BSCL2: variants seen among roughly 807,000 people sequenced by gnomAD.
BSCL2 encodes the protein seipin.
BSCL2 carries 41 observed loss-of-function variants against 57.4 expected under a neutral mutation model. The observed-to-expected ratio is 0.71, with a 90% CI of 0.56 to 0.93. The LOEUF is 0.93. BSCL2 is among the 40% of genes least tolerant of loss of function. BSCL2 has a pLI of 0.00. For missense variants in BSCL2, 539 were observed against 586.7 expected (o/e 0.92, Z 0.84); for synonymous variants, 237 against 227.3 (o/e 1.04, Z -0.38).
In BSCL2 at chr11:62,694,610, G is replaced by A. The variant is rs369806785; in HGVS notation, c.588C>T (p.Cys196=). ...DLGMFLVTIS[C]YTRGGRIIST... is the part of the protein sequence containing the mutation. ...AGATGATTCGGCCACCTCTGGTGTA[G>A]CAGGAAATGGTGACCAAGAACATGC... The change falls in exon 4 of 11, where the codon TGC becomes TGT. Residue 196 remains cysteine, a synonymous_variant. Transcript: ENST00000360796. The A allele has an allele frequency of 1.3e-4, 207 of 1,614,050 alleles. No individual in the cohort carries two copies. Among genetic ancestry groups the A allele is most frequent in the Middle Eastern group, 1.6e-4 (1 of 6,084 alleles).
chr11:62,695,985 C>T (rs1046533450), intron 3 of BSCL2, among the ~76,000 whole-genome samples: 2 of 151,906 alleles, frequency 1.3e-5, no homozygotes, highest in Non-Finnish European at 2.9e-5. Context: ...CCAGCCTGGC[C>T]AAGATGGTGA....
chr11:62,697,903 C>T (rs557027091), intron 3 of BSCL2, among the ~76,000 whole-genome samples: 1 of 151,516 alleles, frequency 6.6e-6, no homozygotes, highest in South Asian at 2.1e-4. Context: ...ATGCAGAATC[C>T]ACATCCTTTT....
At chr11:62,703,594 G>A (rs1194078624) in intron 2 of BSCL2, among the ~76,000 whole-genome samples, 10 of 150,690 alleles carry the variant, frequency 6.6e-5, no homozygotes, top group Admixed American at 1.3e-4. Flanking sequence ...CTTGTGATCC[G>A]CCTGCCTCGG....
At chr11:62,708,281 C>T (rs1565155049), upstream of BSCL2, 2 of 1,556,694 alleles carry the variant, frequency 1.3e-6, no homozygotes, top group South Asian at 2.2e-5. Context: ...CTGAGAGGTC[C>T]CTCTTTTTTC....
chr11:62,695,011 C>T (rs141505917), intron 3 of BSCL2, among the ~76,000 whole-genome samples: 1 of 152,230 alleles, frequency 6.6e-6, no homozygotes, highest in Non-Finnish European at 1.5e-5. Flanking sequence ...ATGTTGCCAA[C>T]TGGGCCATCT....
intron 6 of BSCL2, among the ~76,000 whole-genome samples, chr11:62,691,676 C>T (rs1945313549): frequency 1.3e-5 from 2 of 152,112 alleles, no homozygotes; most frequent in Admixed American, 6.6e-5. Context: ...AGAGTCACCC[C>T]AACTCTTGCT....
At chr11:62,694,796 C>T in intron 3 of BSCL2, 85 bp from the exon 4 acceptor site, 3 of 1,475,330 alleles carry the variant, frequency 2.0e-6, no homozygotes, top group Non-Finnish European at 2.8e-6. Flanking sequence ...TTAGCCCCCG[C>T]AACGCCCCCA....
chr11:62,708,252 C>T (rs183265779), upstream of BSCL2: 218 of 1,288,130 alleles, frequency 1.7e-4, 1 homozygote, highest in Admixed American at 3.6e-3. Flanking sequence ...GGAGGGGGGC[C>T]TCCAGCTGAG....
rs1945273172 is a variant in BSCL2, at chr11:62,690,405, C to T, written c.1351G>A (p.Gly451Ser). The T allele has an allele frequency of 6.2e-7, 1 of 1,614,058 alleles. No individual in the cohort carries two copies. Among genetic ancestry groups the T allele is most frequent in the Non-Finnish European group, 8.5e-7 (1 of 1,180,012 alleles). Reference sequence around the variant, plus strand: ...CAGGTGGGGCGCTGTCGGAGAGCACCCCCAGCAGGTTCAGAGCTGCCCAGA... The same window carrying T: ...CAGGTGGGGCGCTGTCGGAGAGCACTCCCAGCAGGTTCAGAGCTGCCCAGA... The part of the protein sequence containing the change: ...ETLGSSEPAG[G>S]ALRQRPTCSS... Residue 451 changes from glycine to serine, a missense_variant, in exon 11 of 11, where the codon GGT becomes AGT. This residue lies in a region of BSCL2 where 248 missense variants were observed against 239.9 expected (regional missense o/e 1.03). Transcript: ENST00000360796.
chr11:62,692,402 G>A lies in BSCL2; in HGVS notation c.837C>T (p.Arg279=). The change falls in exon 6 of 11, where the codon CGC becomes CGT. Residue 279 remains arginine, a synonymous_variant. Coordinates refer to ENST00000360796, the MANE Select transcript of BSCL2 (RefSeq NM_001122955.4). ...TGAGCCCAGTGAAGTGCGCGTGGAT[G>A]CGGAGGTAGGCTCCATACAGCTGGA... The part of the protein sequence containing the change: ...KRIQLYGAYL[R]IHAHFTGLRY... The A allele has an allele frequency of 1.2e-6, 2 of 1,614,160 alleles. No homozygotes were observed. The highest frequency in any genetic ancestry group is 1.7e-6 in the Non-Finnish European group (2 of 1,180,034).
chr11:62,695,012 T>TGGGCC (rs1347250668), intron 3 of BSCL2, among the ~76,000 whole-genome samples: 2 of 152,218 alleles, frequency 1.3e-5, no homozygotes, highest in African/African-American at 2.4e-5. Context: ...TGTTGCCAAC[T>TGGGCC]GGGCCATCTG....
At position 62,694,761 on chromosome 11, in the gene BSCL2, G is replaced by A. The variant is rs75335074; in HGVS notation, c.487-50C>T. Reference sequence around the variant, plus strand: ...TTAAAAAAATTTTTTTGTTGAAAATGTACTGTCTCTATTCCACCTCCCTCT... The same window carrying A: ...TTAAAAAAATTTTTTTGTTGAAAATATACTGTCTCTATTCCACCTCCCTCT... On this transcript the variant is annotated intron_variant, in intron 3 of 10. Coordinates refer to ENST00000360796, the MANE Select transcript of BSCL2 (RefSeq NM_001122955.4). The A allele has an allele frequency of 7.2e-4, 1,144 of 1,588,550 alleles. 16 individuals carry two copies. In the South Asian group the frequency reaches 0.011, roughly 15 times the overall value.
At chr11:62,700,265 C>T (rs979664179) in intron 3 of BSCL2, among the ~76,000 whole-genome samples, 2 of 151,646 alleles carry the variant, frequency 1.3e-5, no homozygotes, top group Non-Finnish European at 2.9e-5. Flanking sequence ...AATAGAACCC[C>T]AGACTCTATA....
In BSCL2 at chr11:62,690,676, C is replaced by T. The variant is rs1386005990; in HGVS notation, c.1170G>A (p.Glu390=). The T allele has an allele frequency of 1.2e-6, 2 of 1,613,728 alleles. No individual in the cohort carries two copies. The highest frequency in any genetic ancestry group is 2.7e-5 in the African/African-American group (2 of 74,948). ...GGGGCTGCTGATCTGGTTTCTCCTC[C>T]TCGGACAGCTGACCCTCTGCAGCCA... ...DPSGTEGQLS[E]EEKPDQQPLS... Residue 390 remains glutamate (E), a synonymous_variant, in exon 10 of 11, where the codon GAG becomes GAA. Transcript: ENST00000360796.
intron 1 of BSCL2, chr11:62,706,289 G>GGGCA (rs2083533688): frequency 8.9e-7 from 1 of 1,117,388 alleles, no homozygotes; most frequent in Non-Finnish European, 1.1e-6. Flanking sequence ...GCAACCGTGA[G>GGGCA]ACGGGACTTC....
chr11:62,705,280 TTGA>T lies in BSCL2; in HGVS notation c.404+18_404+20del. On this transcript the variant is annotated intron_variant, in intron 2 of 10. Coordinates refer to ENST00000360796, the MANE Select transcript of BSCL2 (RefSeq NM_001122955.4). ...ACAATTCCCATAGGAGTCCTCTATT[TTGA>T]TAGAAGGCCCCTCTCACCTGTAGTA... is the stretch of plus-strand genomic sequence containing the variant. 6.3e-7 allele frequency: 1 copy of T among 1,587,870 alleles called. No individual in the cohort carries two copies. Among genetic ancestry groups the T allele is most frequent in the Non-Finnish European group, 8.6e-7 (1 of 1,165,220 alleles).
chr11:62,709,064 T>TGCCA (rs2134754690), upstream of BSCL2: 1 of 500,208 alleles, frequency 2.0e-6, no homozygotes, highest in East Asian at 4.2e-5. Context: ...CGTCAGACTC[T>TGCCA]GCCAGCGCGT....
chr11:62,690,475 C>T lies in BSCL2; in HGVS notation c.1281G>A (p.Leu427=). ...EDAALLTEAN[L]PAPAPASASA... ...AAGCAGAAGCAGGAGCAGGAGCAGG[C>T]AGGTTGGCCTCCGTCAGCAAAGCTG... is the stretch of plus-strand genomic sequence containing the variant. Residue 427 remains leucine (L), a synonymous_variant, in exon 11 of 11, where the codon CTG becomes CTA. Coordinates refer to ENST00000360796, the MANE Select transcript of BSCL2 (RefSeq NM_001122955.4). The T allele has an allele frequency of 4.3e-6, 7 of 1,614,126 alleles. No individual in the cohort carries two copies. The highest frequency in any genetic ancestry group is 5.9e-6 in the Non-Finnish European group (7 of 1,180,014).
chr11:62,700,691 G>C (rs906457745), intron 3 of BSCL2, among the ~76,000 whole-genome samples: 1 of 152,076 alleles, frequency 6.6e-6, no homozygotes. Context: ...GGTTGCTCAC[G>C]CATGTAATCC....
Sources: gnomAD v4.1 joint callset for allele counts (sites outside exome capture counted in the v4.1 genomes callset) on GRCh38, gnomAD v4.1.1 for gene constraint, gnomAD v4.1.1 regional missense constraint, MANE v1.5 for transcripts, NCBI Gene and HGNC (gene_info 2026-07-23, HGNC 2026-07-21) for gene names.